Variants in KIRREL3 observed in about 807,000 individuals in gnomAD.
KIRREL3 encodes kin of IRRE-like protein 3.
KIRREL3 carries 36 observed loss-of-function variants against 89.7 expected under a neutral mutation model. That is an observed-to-expected ratio of 0.40 (90% CI 0.31 to 0.53). KIRREL3 has a LOEUF of 0.53. Ranked by LOEUF, KIRREL3 falls within the 20% of genes least tolerant of loss-of-function variation. KIRREL3 has a pLI of 0.49. For synonymous variants in KIRREL3, 445 were observed against 441.4 expected, an observed-to-expected ratio of 1.01 and a Z score of -0.10; for missense variants, 864 against 1,056.6, an observed-to-expected ratio of 0.82 and a Z score of 2.53.
intron 1 of KIRREL3, among the ~76,000 whole-genome samples, chr11:126,885,901 T>C (rs895551646): frequency 7.2e-5 from 11 of 152,244 alleles, no homozygotes; most frequent in African/African-American, 2.7e-4. Flanking sequence ...ATTTTACCAC[T>C]GTCTACATTA....
At chr11:126,450,416 TGA>T (rs1440587990) in intron 7 of KIRREL3, among the ~76,000 whole-genome samples, 2 of 150,264 alleles carry the variant, frequency 1.3e-5, no homozygotes, top group Non-Finnish European at 2.9e-5. Context: ...TGTGCATGTG[TGA>T]GTGGGCATGT....
rs1178195098 is a variant in KIRREL3 at position 126,652,680 on chromosome 11, A to G, written c.56-89768T>C. On this transcript the variant is annotated intron_variant, in intron 1 of 16. Coordinates refer to ENST00000525144, the MANE Select transcript of KIRREL3 (RefSeq NM_032531.4). This position sits in a 1 kb window ranked among gnomAD's most constrained non-coding sequence, Gnocchi z 4.9. ...TTCTGTAATCCCCACAGTCTCCCAAACATCAATGCTGTCATTACAACCCCA... is the reference window on the plus strand; with the variant it reads ...TTCTGTAATCCCCACAGTCTCCCAAGCATCAATGCTGTCATTACAACCCCA... 6.6e-6 allele frequency among the ~76,000 whole-genome samples: 1 copy of G among 152,040 alleles called. No individual in the cohort carries two copies. Among genetic ancestry groups the G allele is most frequent in the Non-Finnish European group, 1.5e-5 (1 of 68,010 alleles).
Position 126,656,012 on chromosome 11 carries a change from A to C in KIRREL3, c.56-93100T>G, listed in dbSNP as rs1945120778. On this transcript the variant is annotated intron_variant, in intron 1 of 16. Transcript: ENST00000525144. The surrounding 1 kb of genome is among the most constrained non-coding windows in gnomAD (Gnocchi z 4.0). The stretch of plus-strand genomic sequence containing the variant: ...GAGGAGGCCTTAGAAGCTAATTAGA[A>C]TCCTCTAGAAGTGTGTGGAAATGGG... 3.3e-6 allele frequency: 1 copy of C among 302,598 alleles called. No homozygotes were observed. The highest frequency in any genetic ancestry group is 3.0e-5 in the South Asian group (1 of 33,504). The allele number at this position is 302,598 out of a possible 1,614,324, so 18.7% of individuals were successfully genotyped here. A position where few individuals can be genotyped will look rare whatever the true frequency, so the allele number is the denominator to read the frequency against.
At chr11:126,482,591 T>C (rs1453981693) in intron 4 of KIRREL3, among the ~76,000 whole-genome samples, 1 of 152,260 alleles carries the variant, frequency 6.6e-6, no homozygotes. Flanking sequence ...ATTGGTTCTC[T>C]AAGCAGACTG....
chr11:126,740,873 G>C lies in KIRREL3; in HGVS notation c.56-177961C>G, dbSNP rs372871279. Among the ~76,000 whole-genome samples, 4 of 152,308 alleles carry C rather than the reference G, an allele frequency of 2.6e-5. No individual in the cohort carries two copies. The highest frequency in any genetic ancestry group is 2.9e-5 in the Non-Finnish European group (2 of 68,032). On this transcript the variant is annotated intron_variant, in intron 1 of 16. Coordinates refer to ENST00000525144, the MANE Select transcript of KIRREL3 (RefSeq NM_032531.4). This position sits in a 1 kb window ranked among gnomAD's most constrained non-coding sequence, Gnocchi z 6.0. Reference sequence around the variant, plus strand: ...TTGGAAAAAGCCACTCACTGAGAAAGAAGATATCCATTGTTCCATGAGAGT... The same window carrying C: ...TTGGAAAAAGCCACTCACTGAGAAACAAGATATCCATTGTTCCATGAGAGT...
chr11:126,645,891 T>G lies in KIRREL3; in HGVS notation c.56-82979A>C, dbSNP rs929036356. Among the ~76,000 whole-genome samples the G allele has an allele frequency of 1.3e-5, 2 of 152,228 alleles. No homozygotes were observed. Among genetic ancestry groups the G allele is most frequent in the African/African-American group, 2.4e-5 (1 of 41,456 alleles). On this transcript the variant is annotated intron_variant, in intron 1 of 16. Transcript: ENST00000525144. This position sits in a 1 kb window ranked among gnomAD's most constrained non-coding sequence, Gnocchi z 4.9. ...TACTAATGCATATGCTGTTAAACCT[T>G]TTTAATTAACTTCAACTTCTCCCAG...
intron 5 of KIRREL3, among the ~76,000 whole-genome samples, chr11:126,467,124 G>A (rs186971431): frequency 6.6e-6 from 1 of 152,376 alleles, no homozygotes; most frequent in African/African-American, 2.4e-5. Context: ...GGGTATGTGC[G>A]CGTACCTGTT....
At chr11:126,448,656 T>C (rs1159030003) in intron 8 of KIRREL3, among the ~76,000 whole-genome samples, 1 of 152,124 alleles carries the variant, frequency 6.6e-6, no homozygotes, top group Non-Finnish European at 1.5e-5. Context: ...TGCTTCTCTC[T>C]TTCTCTCTGC....
intron 1 of KIRREL3, among the ~76,000 whole-genome samples, chr11:126,862,298 T>TAAG (rs1944730999): frequency 1.3e-5 from 2 of 152,182 alleles, no homozygotes; most frequent in African/African-American, 4.8e-5. Context: ...CCAGTCCCAT[T>TAAG]AAGACATCCT....
intron 1 of KIRREL3, among the ~76,000 whole-genome samples, chr11:126,950,358 T>G (rs1948743061): frequency 6.6e-6 from 1 of 151,372 alleles, no homozygotes; most frequent in Admixed American, 6.6e-5. Flanking sequence ...AGAGCAAGAC[T>G]CCATCTGAAA....
intron 7 of KIRREL3, among the ~76,000 whole-genome samples, chr11:126,451,172 T>G (rs1402909704): frequency 6.7e-6 from 1 of 149,026 alleles, no homozygotes; most frequent in African/African-American, 2.5e-5. Flanking sequence ...TGTGAATGTG[T>G]ACATGTGTGA....
At chr11:126,701,078 G>A (rs963423776) in intron 1 of KIRREL3, among the ~76,000 whole-genome samples, 1 of 152,196 alleles carries the variant, frequency 6.6e-6, no homozygotes, top group Non-Finnish European at 1.5e-5. Flanking sequence ...ACACTGCATT[G>A]TCATGAAAGG....
At chr11:126,889,305 A>G (rs1027195249) in intron 1 of KIRREL3, among the ~76,000 whole-genome samples, 15 of 151,496 alleles carry the variant, frequency 9.9e-5, no homozygotes, top group Non-Finnish European at 8.8e-5. Flanking sequence ...AAAATACTTC[A>G]TATAAATAAA....
At chr11:126,554,454 T>C (rs1245782679) in intron 2 of KIRREL3, among the ~76,000 whole-genome samples, 1 of 152,222 alleles carries the variant, frequency 6.6e-6, no homozygotes, top group East Asian at 1.9e-4. Flanking sequence ...CTGCCTGTGT[T>C]ACTCTGGATG....
chr11:126,457,260 T>C (rs535942044), intron 6 of KIRREL3, among the ~76,000 whole-genome samples: 1,627 of 147,558 alleles, frequency 0.011, 8 homozygotes, highest in Non-Finnish European at 0.017. Context: ...TGTATGTGTG[T>C]ATGCATGTGT....
At chr11:126,770,362 C>A (rs1348087428) in intron 1 of KIRREL3, among the ~76,000 whole-genome samples, 1 of 152,178 alleles carries the variant, frequency 6.6e-6, no homozygotes, top group Non-Finnish European at 1.5e-5. Flanking sequence ...CATCCCTGCC[C>A]GTCAGTCACT....
At chr11:126,745,496 A>AGAGAAAC (rs59386372) in intron 1 of KIRREL3, among the ~76,000 whole-genome samples, 1 of 2,288 alleles carries the variant, frequency 4.4e-4, no homozygotes, top group Non-Finnish European at 7.5e-4. Context: ...ACAGAAAAAC[A>AGAGAAAC]AAAAAAAAAA....
chr11:126,998,741 A>T (rs954962125), intron 1 of KIRREL3, among the ~76,000 whole-genome samples: 1 of 152,216 alleles, frequency 6.6e-6, no homozygotes, highest in Non-Finnish European at 1.5e-5. Context: ...GCCAATCTAC[A>T]TAAGTATCAC....
chr11:126,937,629 G>A (rs758454107), intron 1 of KIRREL3, among the ~76,000 whole-genome samples: 4 of 152,196 alleles, frequency 2.6e-5, no homozygotes, highest in Non-Finnish European at 5.9e-5. Flanking sequence ...GGCCGGGCGT[G>A]GTGGCTCATG....
Sources: allele counts gnomAD v4.1 joint callset (sites outside exome capture counted in the v4.1 genomes callset), GRCh38; gene constraint gnomAD v4.1.1; non-coding constraint Gnocchi (gnomAD v3.1); transcripts MANE v1.5; gene names NCBI Gene and HGNC (gene_info 2026-07-23, HGNC 2026-07-21).